The following IL7R variants were observed in gnomAD, a reference collection of about 807,000 sequenced individuals.
The protein encoded by IL7R is interleukin-7 receptor subunit alpha.
A neutral mutation model predicts 47.0 loss-of-function variants in IL7R; 38 were observed. The ratio of observed to expected loss-of-function variants is 0.81; its 90% confidence interval spans 0.62 to 1.06. The LOEUF (loss-of-function observed/expected upper bound fraction) is 1.06, where lower values mean the gene tolerates loss of function less well. Among genes scored for constraint, IL7R ranks in the 50% least tolerant of loss-of-function variants. The probability of loss-of-function intolerance (pLI) is 0.00; values close to 1 mark genes in which losing one functional copy is unlikely to be tolerated. For missense variants in IL7R, 633 were observed against 534.8 expected (o/e 1.18, Z -1.81); for synonymous variants, 221 against 199.8 (o/e 1.11, Z -0.89).
At chr5:35,862,955 A>G (rs11567716) in intron 2 of IL7R, among the ~76,000 whole-genome samples, 128 of 152,156 alleles carry the variant, frequency 8.4e-4, no homozygotes, top group African/African-American at 3.1e-3. Flanking sequence ...TACCATCTTC[A>G]GATCTTTCCA....
chr5:35,867,442 A>G lies in IL7R; in HGVS notation c.358A>G (p.Lys120Glu), dbSNP rs200506624. The change falls in exon 3 of 8, where the codon AAA (lysine) becomes GAA (glutamate). Residue 120 changes from lysine (K) to glutamate (E), a missense_variant. Coordinates refer to ENST00000303115, the MANE Select transcript of IL7R (RefSeq NM_002185.5). Reference sequence around the variant, plus strand: ...TGGAGAAAAGAGTCTAACCTGCAAAAAAATAGACCTAACCACTATAGGTAA... The same window carrying G: ...TGGAGAAAAGAGTCTAACCTGCAAAGAAATAGACCTAACCACTATAGGTAA... ...KVGEKSLTCK[K>E]IDLTTIVKPE... 1 of 1,613,342 alleles carries G rather than the reference A, an allele frequency of 6.2e-7. No individual in the cohort carries two copies. Among genetic ancestry groups the G allele is most frequent in the Non-Finnish European group, 8.5e-7 (1 of 1,179,662 alleles).
intron 2 of IL7R, 37 bp downstream of exon 2, chr5:35,861,027 C>G: frequency 6.3e-7 from 1 of 1,599,390 alleles, no homozygotes; most frequent in Non-Finnish European, 8.6e-7. Context: ...CTTAGACATC[C>G]TCTGTCTCTC....
chr5:35,876,213 C>G lies in IL7R; in HGVS notation c.1107C>G (p.Cys369Trp), dbSNP rs199803084. Residue 369 changes from cysteine to tryptophan, a missense_variant, in exon 8 of 8, where the codon TGC becomes TGG. By Grantham distance (215) the Cys-to-Trp change is radical. Transcript: ENST00000303115. Reference protein sequence around the residue: ...ESFGRDSSLTCLAGNVSACDA... With the variant: ...ESFGRDSSLTWLAGNVSACDA... ...TTGGAAGAGATTCATCCCTCACATGCCTGGCTGGGAATGTCAGTGCATGTG... is the reference window on the plus strand; with the variant it reads ...TTGGAAGAGATTCATCCCTCACATGGCTGGCTGGGAATGTCAGTGCATGTG... 1 of 1,614,156 alleles carries G rather than the reference C, an allele frequency of 6.2e-7. No homozygotes were observed. The highest frequency in any genetic ancestry group is 1.3e-5 in the African/African-American group (1 of 75,044).
At chr5:35,875,366 C>T (rs1161038592) in intron 6 of IL7R, 146 bp from the exon 7 acceptor site, 7 of 712,994 alleles carry the variant, frequency 9.8e-6, no homozygotes, top group Admixed American at 8.1e-5. Flanking sequence ...GAAAGCCAGT[C>T]TCTTGACCAT....
Position 35,876,939 on chromosome 5 carries a change from G to T in IL7R, c.*453G>T, listed in dbSNP as rs79286909. 8.7e-3 allele frequency: 2,230 copies of T among 255,710 alleles called. 33 individuals carry two copies. Among genetic ancestry groups the T allele is most frequent in the East Asian group, 0.056 (1,002 of 17,926 alleles). The allele number at this position is 255,710 out of a possible 1,614,324, so 15.8% of individuals were successfully genotyped here. ...TCCATCCTGACAATAATCCTGGGAG[G>T]TGTGTGCAATTACTACGACTACTCT... On this transcript the variant is annotated 3_prime_UTR_variant, in exon 8 of 8. Coordinates refer to ENST00000303115, the MANE Select transcript of IL7R (RefSeq NM_002185.5).
In IL7R at chr5:35,867,415, G is replaced by T; in HGVS notation, c.331G>T (p.Val111Phe). 6.2e-7 allele frequency: 1 copy of T among 1,613,432 alleles called. No individual in the cohort carries two copies. The highest frequency in any genetic ancestry group is 8.5e-7 in the Non-Finnish European group (1 of 1,179,534). The change falls in exon 3 of 8, where the codon GTT (valine) becomes TTT (phenylalanine). Residue 111 changes from valine to phenylalanine, a missense_variant. By Grantham distance (50) the Val-to-Phe change is conservative (BLOSUM62 -1). Coordinates refer to ENST00000303115, the MANE Select transcript of IL7R (RefSeq NM_002185.5). ...TGGAAAGAGCAATATATGTGTGAAG[G>T]TTGGAGAAAAGAGTCTAACCTGCAA... ...LIGKSNICVK[V>F]GEKSLTCKKI...
intron 1 of IL7R, among the ~76,000 whole-genome samples, chr5:35,859,244 A>T (rs1467416047): frequency 6.6e-6 from 1 of 152,114 alleles, no homozygotes; most frequent in African/African-American, 2.4e-5. Flanking sequence ...TGCTGTCTCT[A>T]TTGAAGAATC....
Position 35,876,232 on chromosome 5 carries a change from G to T in IL7R, c.1126G>T (p.Ala376Ser), listed in dbSNP as rs1261225210. The T allele has an allele frequency of 6.2e-7, 1 of 1,614,146 alleles. No individual in the cohort carries two copies. ...SLTCLAGNVS[A>S]CDAPILSSSR... ...CACATGCCTGGCTGGGAATGTCAGT[G>T]CATGTGACGCCCCTATTCTCTCCTC... is the stretch of plus-strand genomic sequence containing the variant. Residue 376 changes from alanine (A) to serine (S), a missense_variant, in exon 8 of 8, where the codon GCA becomes TCA. Physicochemically the swap from Ala to Ser is moderately conservative, Grantham distance 99. Transcript: ENST00000303115.
chr5:35,866,430 G>C (rs1317961815), intron 2 of IL7R, among the ~76,000 whole-genome samples: 1 of 152,054 alleles, frequency 6.6e-6, no homozygotes, highest in Non-Finnish European at 1.5e-5. Flanking sequence ...GGTTGAGAAG[G>C]GTCATTCCTC....
At position 35,873,560 on chromosome 5, in the gene IL7R, A is replaced by G. The variant is rs755300062; in HGVS notation, c.618A>G (p.Arg206=). 1.2e-6 allele frequency: 2 copies of G among 1,614,022 alleles called. No homozygotes were observed. Among genetic ancestry groups the G allele is most frequent in the Non-Finnish European group, 1.7e-6 (2 of 1,179,880 alleles). Reference sequence around the variant, plus strand: ...CAGCAATGTATGAGATTAAAGTTCGATCCATCCCTGATCACTATTTTAAAG... The same window carrying G: ...CAGCAATGTATGAGATTAAAGTTCGGTCCATCCCTGATCACTATTTTAAAG... ...QPAAMYEIKV[R]SIPDHYFKGF... is the part of the protein sequence containing the mutation. Residue 206 remains arginine, a synonymous_variant, in exon 5 of 8, where the codon CGA becomes CGG. Transcript: ENST00000303115.
chr5:35,859,431 G>T lies in IL7R; in HGVS notation c.83-1421G>T, dbSNP rs139028728. Among the ~76,000 whole-genome samples, 13 of 152,296 alleles carry T rather than the reference G, an allele frequency of 8.5e-5. No individual in the cohort carries two copies. The East Asian group carries it at 2.5e-3, about 29-fold the overall frequency. On this transcript the variant is annotated intron_variant, in intron 1 of 7. Coordinates refer to ENST00000303115, the MANE Select transcript of IL7R (RefSeq NM_002185.5). Reference sequence around the variant, plus strand: ...GAAGAAATCTAAGTCTACAAAATTAGTGGGCTGTCTCTCATTATTTCGTGC... The same window carrying T: ...GAAGAAATCTAAGTCTACAAAATTATTGGGCTGTCTCTCATTATTTCGTGC...
intron 3 of IL7R, among the ~76,000 whole-genome samples, chr5:35,868,334 T>C (rs2149899781): frequency 6.6e-6 from 1 of 152,326 alleles, no homozygotes; most frequent in African/African-American, 2.4e-5. Context: ...AAGAGAGCAA[T>C]ACTCATTAGA....
At chr5:35,867,284 T>C (rs202194801) in intron 2 of IL7R, 22 bp from the exon 3 acceptor site, 1 of 1,610,240 alleles carries the variant, frequency 6.2e-7, no homozygotes. Flanking sequence ...AATCAAGACA[T>C]ATCCCCTTTT....
rs200395973 is a variant in IL7R, at chr5:35,876,622, G to A, written c.*136G>A. On this transcript the variant is annotated 3_prime_UTR_variant, in exon 8 of 8. Coordinates refer to ENST00000303115, the MANE Select transcript of IL7R (RefSeq NM_002185.5). ...CCCACTACACAGTCTGCAAGATTCT[G>A]AAACATTGCTTTGACCACTCTTCCT... 1 of 912,044 alleles carries A rather than the reference G, an allele frequency of 1.1e-6. No homozygotes were observed. The highest frequency in any genetic ancestry group is 1.4e-5 in the South Asian group (1 of 70,358). The allele number at this position is 912,044 out of a possible 1,614,324, so 56.5% of individuals were successfully genotyped here.
At chr5:35,866,526 A>G (rs4437398) in intron 2 of IL7R, among the ~76,000 whole-genome samples, 151,410 of 152,242 alleles carry the variant, frequency 0.99, 75,298 homozygotes, top group Middle Eastern at 1. Context: ...ATAACCATCA[A>G]GCATAGAGTT....
Position 35,875,143 on chromosome 5 carries a change from T to TA in IL7R, c.801-364dup, listed in dbSNP as rs901390225. ...AGTTGCTGTCAGTAAAGAGAAGAAATAAAAAGACAACACTTAAATTGGGAG... is the reference window on the plus strand; with the variant it reads ...AGTTGCTGTCAGTAAAGAGAAGAAATAAAAAAGACAACACTTAAATTGGGAG... On this transcript the variant is annotated intron_variant, in intron 6 of 7. Transcript: ENST00000303115. Among the ~76,000 whole-genome samples, 16 of 152,222 alleles carry TA rather than the reference T, an allele frequency of 1.1e-4. 2 individuals carry two copies. Among genetic ancestry groups the TA allele is most frequent in the Admixed American group, 3.9e-4 (6 of 15,292 alleles).
rs79160514 is a variant in IL7R at position 35,870,766 on chromosome 5, T to C, written c.380-290T>C. Among the ~76,000 whole-genome samples the C allele has an allele frequency of 6.3e-3, 962 of 152,220 alleles. 16 individuals are homozygous for C. Among genetic ancestry groups the C allele is most frequent in the East Asian group, 0.055 (284 of 5,170 alleles). On this transcript the variant is annotated intron_variant, in intron 3 of 7. Coordinates refer to ENST00000303115, the MANE Select transcript of IL7R (RefSeq NM_002185.5). ...GTCTGTAATGCAGGACTCCAAGTGG[T>C]GGAAGAGGACGGAGCAGAGGAGTCA...
chr5:35,874,520 G>A lies in IL7R; in HGVS notation c.778G>A (p.Ala260Thr), dbSNP rs147153824. 2.4e-4 allele frequency: 382 copies of A among 1,613,046 alleles called. No individual in the cohort carries two copies. The African/African-American group carries it at 4.7e-3, about 20-fold the overall frequency. The change falls in exon 6 of 8, where the codon GCC (alanine) becomes ACC (threonine). Residue 260 changes from alanine (A) to threonine (T), a missense_variant. Physicochemically the swap from Ala to Thr is moderately conservative, Grantham distance 58 (BLOSUM62 0). Transcript: ENST00000303115. ...CTCTGTCGCTCTGTTGGTCATCTTG[G>A]CCTGTGTGTTATGGAAAAAAAGGTG... ...FFSVALLVIL[A>T]CVLWKKRIKP...
chr5:35,862,846 G>A (rs1256506503), intron 2 of IL7R, among the ~76,000 whole-genome samples: 1 of 152,018 alleles, frequency 6.6e-6, no homozygotes, highest in African/African-American at 2.4e-5. Flanking sequence ...AAAAGTTATT[G>A]TCCTAGTTTC....
Sources: gnomAD v4.1 joint callset for allele counts (sites outside exome capture counted in the v4.1 genomes callset) on GRCh38, gnomAD v4.1.1 for gene constraint, MANE v1.5 for transcripts, NCBI Gene and HGNC (gene_info 2026-07-23, HGNC 2026-07-21) for gene names.